RANBP2: variants seen among roughly 807,000 people sequenced by gnomAD.
RANBP2 encodes E3 SUMO-protein ligase RanBP2.
Under a neutral mutation model 303.6 loss-of-function variants are expected in RANBP2, and 57 were observed. That is an observed-to-expected ratio of 0.19 (90% confidence interval 0.15 to 0.23). The LOEUF (loss-of-function observed/expected upper bound fraction) is 0.23, where lower values mean the gene tolerates loss of function less well. Among genes scored for constraint, RANBP2 ranks in the 10% least tolerant of loss-of-function variants. The pLI is 1.00. For synonymous variants in RANBP2, 1,167 were observed against 1,301.5 expected (o/e 0.90, Z 2.23); for missense variants, 3,138 against 3,780.8 (o/e 0.83, Z 4.46).
At chr2:109,517,422 A>C in the RANBP2 span, among the ~76,000 whole-genome samples, 1 of 152,176 alleles carries the variant, frequency 6.6e-6, no homozygotes. Flanking sequence ...ATCTTCCGGA[A>C]GCTGCCGAAC....
the RANBP2 span, among the ~76,000 whole-genome samples, chr2:109,283,994 G>A: frequency 1.3e-5 from 2 of 152,150 alleles, no homozygotes; most frequent in East Asian, 1.9e-4. Flanking sequence ...GTTTTTCCAG[G>A]AGAGCTTGCC....
chr2:108,880,517 G>A, the RANBP2 span, among the ~76,000 whole-genome samples: 1 of 152,252 alleles, frequency 6.6e-6, no homozygotes, highest in South Asian at 2.1e-4. Flanking sequence ...TCAAGGCCTG[G>A]CTTCAAAGCT....
the RANBP2 span, among the ~76,000 whole-genome samples, chr2:109,456,651 G>A: frequency 3.3e-5 from 5 of 152,308 alleles, no homozygotes; most frequent in South Asian, 6.2e-4. Flanking sequence ...TAGAAACTCC[G>A]TGGCCTCTGC....
chr2:109,560,352 CTT>C, the RANBP2 span, among the ~76,000 whole-genome samples: 2 of 152,170 alleles, frequency 1.3e-5, no homozygotes, highest in African/African-American at 4.8e-5. Flanking sequence ...CTCCCTCTCT[CTT>C]GATCCCCTCT....
the RANBP2 span, among the ~76,000 whole-genome samples, chr2:109,019,922 C>T: frequency 5.9e-5 from 9 of 152,172 alleles, no homozygotes; most frequent in Non-Finnish European, 8.8e-5. Context: ...TAAATCAGCA[C>T]AGCCAGTGTC....
chr2:109,274,969 T>A, the RANBP2 span, among the ~76,000 whole-genome samples: 1 of 152,308 alleles, frequency 6.6e-6, no homozygotes, highest in Non-Finnish European at 1.5e-5. Flanking sequence ...AATTTCCTGT[T>A]ATATGAATTT....
At chr2:109,294,944 C>G in the RANBP2 span, among the ~76,000 whole-genome samples, 3 of 152,226 alleles carry the variant, frequency 2.0e-5, no homozygotes, top group African/African-American at 7.2e-5. Context: ...ACAGCACTTT[C>G]CCAGTTGTTC....
chr2:109,074,591 C>T, the RANBP2 span, among the ~76,000 whole-genome samples: 212 of 149,786 alleles, frequency 1.4e-3, no homozygotes, highest in African/African-American at 4.7e-3. Flanking sequence ...ATCCCAGCTA[C>T]TTGGGAGGCT....
At chr2:109,657,829 C>T in the RANBP2 span, among the ~76,000 whole-genome samples, 1 of 148,060 alleles carries the variant, frequency 6.8e-6, no homozygotes, top group East Asian at 2.1e-4. Context: ...AAGTGATTCT[C>T]GTGCCTCAGC....
chr2:109,437,219 C>A, the RANBP2 span: 2 of 1,515,700 alleles, frequency 1.3e-6, no homozygotes, highest in East Asian at 4.7e-5. Context: ...TGAGACACAT[C>A]TTGGCCCAAG....
chr2:109,317,022 T>C, the RANBP2 span, among the ~76,000 whole-genome samples: 1 of 152,172 alleles, frequency 6.6e-6, no homozygotes, highest in South Asian at 2.1e-4. Flanking sequence ...ATTGTCTGGG[T>C]GGACCCCAGT....
chr2:109,374,705 A>C, the RANBP2 span, among the ~76,000 whole-genome samples: 1 of 152,170 alleles, frequency 6.6e-6, no homozygotes. Flanking sequence ...ATGCTCACGT[A>C]AGCTTGGATT....
At chr2:109,030,519 TGAAA>T in the RANBP2 span, among the ~76,000 whole-genome samples, 1 of 152,176 alleles carries the variant, frequency 6.6e-6, no homozygotes, top group African/African-American at 2.4e-5. Flanking sequence ...CCTGAATGAA[TGAAA>T]GAATGGGCCT....
the RANBP2 span, among the ~76,000 whole-genome samples, chr2:108,909,251 G>C: frequency 3.3e-5 from 5 of 152,202 alleles, no homozygotes; most frequent in East Asian, 7.7e-4. Context: ...ATATCAGAAG[G>C]GAGAGGCTGA....
chr2:109,298,731 A>G, the RANBP2 span, among the ~76,000 whole-genome samples: 1 of 152,158 alleles, frequency 6.6e-6, no homozygotes, highest in East Asian at 1.9e-4. Flanking sequence ...CCATCAGCTC[A>G]CCCTGTGAAA....
the RANBP2 span, among the ~76,000 whole-genome samples, chr2:108,926,102 C>G: frequency 4.7e-3 from 720 of 152,318 alleles, 12 homozygotes; most frequent in African/African-American, 0.017. Flanking sequence ...CACCGCCTGG[C>G]TTACACCTGG....
chr2:109,708,193 A>AC, the RANBP2 span, among the ~76,000 whole-genome samples: 207 of 152,322 alleles, frequency 1.4e-3, 1 homozygote, highest in African/African-American at 3.7e-3. Flanking sequence ...CCCCATCTCT[A>AC]CAAAAAATCA....
the RANBP2 span, chr2:108,798,672 C>T: frequency 2.1e-6 from 2 of 970,718 alleles, no homozygotes; most frequent in Non-Finnish European, 3.1e-6. Context: ...GTCACATTTG[C>T]TTATTTCTCC....
At chr2:108,744,737 ATT>A (rs2149186623) in intron 7 of RANBP2, among the ~76,000 whole-genome samples, 1 of 152,336 alleles carries the variant, frequency 6.6e-6, no homozygotes, top group African/African-American at 2.4e-5. Flanking sequence ...TTTGGAAAGA[ATT>A]ATATATACAT....
Sources: gnomAD v4.1 joint callset for allele counts (sites outside exome capture counted in the v4.1 genomes callset) on GRCh38, gnomAD v4.1.1 for gene constraint, MANE v1.5 for transcripts, NCBI Gene and HGNC (gene_info 2026-07-23, HGNC 2026-07-21) for gene names.